Variants in MYO16 observed in about 807,000 individuals in gnomAD.
MYO16 encodes myosin XVI.
A neutral mutation model predicts 205.3 loss-of-function variants in MYO16; 94 were observed. The ratio of observed to expected loss-of-function variants is 0.46; its 90% CI spans 0.39 to 0.54. MYO16 has a LOEUF of 0.54. Ranked by LOEUF, MYO16 falls within the 20% of genes least tolerant of loss-of-function variation. The pLI, the probability that MYO16 is intolerant of heterozygous loss-of-function variation, is 0.00. For missense variants in MYO16, 2,315 were observed against 2,387.5 expected, an observed-to-expected ratio of 0.97 and a Z score of 0.63; for synonymous variants, 988 against 954.0, an observed-to-expected ratio of 1.04 and a Z score of -0.66.
At chr13:108,745,726 T>C (rs1248889238) in intron 4 of MYO16, among the ~76,000 whole-genome samples, 1 of 152,104 alleles carries the variant, frequency 6.6e-6, no homozygotes, top group Non-Finnish European at 1.5e-5. Context: ...ATATGACAGA[T>C]ATTAAAATTA....
At chr13:108,553,778 T>G in the MYO16 span, among the ~76,000 whole-genome samples, 8,293 of 141,970 alleles carry the variant, frequency 0.058, 709 homozygotes, top group African/African-American at 0.19. Flanking sequence ...AAATCTCAAG[T>G]GGATGTTTCA....
intron 32 of MYO16, among the ~76,000 whole-genome samples, chr13:109,154,911 G>GAAAAA (rs59465499): frequency 0.039 from 2,443 of 62,670 alleles, 362 homozygotes; most frequent in Non-Finnish European, 0.046. Flanking sequence ...GGCTAATTAT[G>GAAAAA]AAAAAAAAAA....
the MYO16 span, among the ~76,000 whole-genome samples, chr13:108,529,413 T>C: frequency 6.6e-6 from 1 of 152,176 alleles, no homozygotes; most frequent in African/African-American, 2.4e-5. Flanking sequence ...CATTTTTTTT[T>C]AATCTTACTA....
chr13:109,194,976 T>C (rs918922627), intron 34 of MYO16, among the ~76,000 whole-genome samples: 3 of 152,044 alleles, frequency 2.0e-5, no homozygotes, highest in Non-Finnish European at 4.4e-5. Flanking sequence ...GTATAACATA[T>C]ACATTCACTC....
At chr13:108,683,008 CTG>C (rs1237737041) in intron 2 of MYO16, among the ~76,000 whole-genome samples, 6 of 152,176 alleles carry the variant, frequency 3.9e-5, no homozygotes, top group East Asian at 3.9e-4. Flanking sequence ...TAAATGGCCT[CTG>C]TGTGTTTCCT....
intron 1 of MYO16, among the ~76,000 whole-genome samples, chr13:108,639,162 A>G (rs1468295223): frequency 6.6e-6 from 1 of 152,118 alleles, no homozygotes; most frequent in Non-Finnish European, 1.5e-5. Flanking sequence ...ATGGTACTGT[A>G]GAGTGTGGAT....
chr13:108,588,207 T>C, the MYO16 span, among the ~76,000 whole-genome samples: 408 of 152,312 alleles, frequency 2.7e-3, 2 homozygotes, highest in South Asian at 0.02. Context: ...TTAAATGCAA[T>C]CTACTGGTAT....
intron 3 of MYO16, among the ~76,000 whole-genome samples, chr13:108,715,312 C>T (rs1033855786): frequency 6.6e-6 from 1 of 152,222 alleles, no homozygotes; most frequent in Non-Finnish European, 1.5e-5. Flanking sequence ...TCTAAAGGAG[C>T]AGCCCTCCCT....
rs774388038 is a variant in MYO16 at position 108,727,599 on chromosome 13, C to T, written c.507+16C>T. ...TCTTGTATTAGTAAGTAAAGCAATTCAGTTTACCATTTGAAGATTTGATGG... is the reference window on the plus strand; with the variant it reads ...TCTTGTATTAGTAAGTAAAGCAATTTAGTTTACCATTTGAAGATTTGATGG... On this transcript the variant is annotated intron_variant, in intron 4 of 34. Coordinates refer to ENST00000457511, the MANE Select transcript of MYO16 (RefSeq NM_001198950.3). 1.3e-5 allele frequency: 21 copies of T among 1,595,732 alleles called. No individual in the cohort carries two copies. In the South Asian group the frequency reaches 2.3e-4, roughly 17 times the overall value.
At chr13:109,047,652 C>T (rs2139594646) in intron 24 of MYO16, among the ~76,000 whole-genome samples, 1 of 152,084 alleles carries the variant, frequency 6.6e-6, no homozygotes, top group African/African-American at 2.4e-5. Flanking sequence ...AACAGCAGTT[C>T]TGCAGTGATT....
chr13:108,900,009 C>A (rs1280926352), intron 15 of MYO16, among the ~76,000 whole-genome samples: 1 of 152,160 alleles, frequency 6.6e-6, no homozygotes, highest in Non-Finnish European at 1.5e-5. Flanking sequence ...ACAACTAGTG[C>A]AAGGAGGAGA....
At chr13:109,129,152 A>G (rs1301040147) in intron 31 of MYO16, among the ~76,000 whole-genome samples, 1 of 151,786 alleles carries the variant, frequency 6.6e-6, no homozygotes, top group Non-Finnish European at 1.5e-5. Flanking sequence ...CACTCTTCAA[A>G]GTGCTTTTTA....
rs1008518186 is a variant in MYO16 at position 108,794,167 on chromosome 13, C to T, written c.741+527C>T. Reference sequence around the variant, plus strand: ...CAAAGAAGGAGACGAGACACCAGGGCCCACTTAAGGGTGGAGGGTGGGAGG... The same window carrying T: ...CAAAGAAGGAGACGAGACACCAGGGTCCACTTAAGGGTGGAGGGTGGGAGG... On this transcript the variant is annotated intron_variant, in intron 6 of 34. Transcript: ENST00000457511. 3.3e-5 allele frequency among the ~76,000 whole-genome samples: 5 copies of T among 151,728 alleles called. No homozygotes were observed. In the East Asian group the frequency reaches 7.8e-4, roughly 24 times the overall value.
Position 108,900,208 on chromosome 13 carries a change from A to G in MYO16, c.1777+2075A>G, listed in dbSNP as rs145333280. 1.9e-4 allele frequency among the ~76,000 whole-genome samples: 29 copies of G among 152,314 alleles called. No individual in the cohort carries two copies. In the East Asian group the frequency reaches 5.4e-3, roughly 28 times the overall value. On this transcript the variant is annotated intron_variant, in intron 15 of 34. Coordinates refer to ENST00000457511, the MANE Select transcript of MYO16 (RefSeq NM_001198950.3). ...AGGAATGTTGATTTAGAAAATAATT[A>G]TGTACACATATTAAAAAGAACTAGA... is the stretch of plus-strand genomic sequence containing the variant.
At chr13:108,755,161 A>T (rs964793305) in intron 4 of MYO16, among the ~76,000 whole-genome samples, 1 of 152,024 alleles carries the variant, frequency 6.6e-6, no homozygotes, top group African/African-American at 2.4e-5. Context: ...CTGGTAAAGC[A>T]GTCATTGTGT....
At chr13:109,118,651 C>G (rs146821317) in intron 28 of MYO16, among the ~76,000 whole-genome samples, 31 of 152,266 alleles carry the variant, frequency 2.0e-4, no homozygotes, top group Admixed American at 4.6e-4. Flanking sequence ...ATCCCACAAT[C>G]AATGATGAAC....
the MYO16 span, among the ~76,000 whole-genome samples, chr13:108,577,205 A>C: frequency 6.6e-6 from 1 of 152,226 alleles, no homozygotes; most frequent in Non-Finnish European, 1.5e-5. Context: ...TACAAAAATG[A>C]ATGAGAAATG....
intron 6 of MYO16, among the ~76,000 whole-genome samples, chr13:108,796,541 G>T (rs1886793557): frequency 6.6e-6 from 1 of 152,110 alleles, no homozygotes; most frequent in Admixed American, 6.5e-5. Context: ...TGATAGACTG[G>T]ATTAAGAAAA....
chr13:109,206,810 T>A lies in MYO16; in HGVS notation c.5617T>A (p.Ser1873Thr), dbSNP rs1348277204. 2.5e-6 allele frequency: 4 copies of A among 1,614,080 alleles called. No homozygotes were observed. Among genetic ancestry groups the A allele is most frequent in the Non-Finnish European group, 3.4e-6 (4 of 1,179,988 alleles). The change falls in exon 35 of 35, where the codon TCT (serine) becomes ACT (threonine). Residue 1873 changes from serine to threonine, a missense_variant. By Grantham distance (58) the Ser-to-Thr change is moderately conservative. Transcript: ENST00000457511. The part of the protein sequence containing the change: ...PEGASCNRLP[S>T]ELWDTTI ...AGGGGCCTCCTGCAACAGGCTGCCG[T>A]CTGAGCTCTGGGACACCACCATTTG...
Sources: allele counts gnomAD v4.1 joint callset (sites outside exome capture counted in the v4.1 genomes callset), GRCh38; gene constraint gnomAD v4.1.1; transcripts MANE v1.5; gene names NCBI Gene and HGNC (gene_info 2026-07-23, HGNC 2026-07-21).